The following GNA14 variants were observed in gnomAD, a reference collection of about 807,000 sequenced individuals.
GNA14 encodes G protein subunit alpha 14.
A neutral mutation model predicts 42.0 loss-of-function variants in GNA14; 50 were observed. The observed-to-expected ratio is 1.19, with a 90% CI of 0.95 to 1.51. The LOEUF (loss-of-function observed/expected upper bound fraction) is 1.51. Among genes scored for constraint, GNA14 ranks in the 40% most tolerant of loss-of-function variants. GNA14 has a pLI of 0.00. For missense variants in GNA14, 473 were observed against 446.2 expected (o/e 1.06, Z -0.54); for synonymous variants, 173 against 163.1 (o/e 1.06, Z -0.46).
chr9:77,601,141 C>T (rs1355627389), intron 1 of GNA14, among the ~76,000 whole-genome samples: 2 of 152,194 alleles, frequency 1.3e-5, no homozygotes, highest in South Asian at 2.1e-4. Context: ...GAGCCCTTGG[C>T]AGGAACCCCT....
chr9:77,525,901 A>AC (rs1837427724), intron 2 of GNA14, among the ~76,000 whole-genome samples: 1 of 84,266 alleles, frequency 1.2e-5, no homozygotes, highest in Non-Finnish European at 2.5e-5. Flanking sequence ...GAGATTTGGG[A>AC]CTTTTTTTAA....
intron 1 of GNA14, among the ~76,000 whole-genome samples, chr9:77,585,537 A>T (rs1823289704): frequency 6.6e-6 from 1 of 152,150 alleles, no homozygotes; most frequent in African/African-American, 2.4e-5. Context: ...GACTTCCCCC[A>T]ACACCCTTGT....
chr9:77,424,231 C>T, intron 6 of GNA14, 62 bp from the exon 7 acceptor site: 1 of 1,229,740 alleles, frequency 8.1e-7, no homozygotes, highest in South Asian at 1.5e-5. Context: ...CTCCCAAGAA[C>T]CTTTTTTTTG....
At position 77,496,060 on chromosome 9, in the gene GNA14, T is replaced by C. The variant is rs138401790; in HGVS notation, c.309+33009A>G. ...CCGTGACAAGTTCCACACTGGGAGA[T>C]GCACCGGGGGAGGTAGTCTGTCTAC... On this transcript the variant is annotated intron_variant, in intron 2 of 6. Transcript: ENST00000341700. Among the ~76,000 whole-genome samples, 878 of 152,280 alleles carry C rather than the reference T, an allele frequency of 5.8e-3. 4 individuals are homozygous for C. Among genetic ancestry groups the C allele is most frequent in the Middle Eastern group, 0.01 (3 of 294 alleles).
intron 1 of GNA14, among the ~76,000 whole-genome samples, chr9:77,545,281 A>G (rs1391631767): frequency 6.6e-6 from 1 of 152,218 alleles, no homozygotes; most frequent in Non-Finnish European, 1.5e-5. Context: ...TACCAGTGCA[A>G]TTAAATACAG....
chr9:77,586,498 G>A (rs1210775116), intron 1 of GNA14, among the ~76,000 whole-genome samples: 1 of 152,146 alleles, frequency 6.6e-6, no homozygotes. Flanking sequence ...GTAAATACCC[G>A]AGGTTTGTTG....
chr9:77,500,086 G>A (rs935911506), intron 2 of GNA14, among the ~76,000 whole-genome samples: 7 of 150,968 alleles, frequency 4.6e-5, no homozygotes, highest in African/African-American at 7.3e-5. Context: ...GCAATGGCAC[G>A]ATCTCAGCTC....
chr9:77,553,086 T>A (rs770112550), intron 1 of GNA14, among the ~76,000 whole-genome samples: 13 of 152,188 alleles, frequency 8.5e-5, no homozygotes, highest in Non-Finnish European at 1.9e-4. Context: ...CAAACTAGCC[T>A]TATGGAAGCT....
At chr9:77,484,615 T>C (rs1452573471) in intron 2 of GNA14, among the ~76,000 whole-genome samples, 1 of 152,180 alleles carries the variant, frequency 6.6e-6, no homozygotes, top group Non-Finnish European at 1.5e-5. Context: ...TCATTTTATA[T>C]CTTGTAGTAC....
intron 2 of GNA14, among the ~76,000 whole-genome samples, chr9:77,500,500 A>G (rs957129526): frequency 6.6e-6 from 1 of 152,240 alleles, no homozygotes; most frequent in African/African-American, 2.4e-5. Flanking sequence ...ACATTACAAC[A>G]TCAAAACCAG....
intron 2 of GNA14, among the ~76,000 whole-genome samples, chr9:77,453,413 G>A (rs1376398350): frequency 1.3e-5 from 2 of 152,162 alleles, no homozygotes; most frequent in Non-Finnish European, 1.5e-5. Context: ...CTTCATTAAT[G>A]TACTCCCACG....
At chr9:77,601,745 C>T (rs142652420) in intron 1 of GNA14, among the ~76,000 whole-genome samples, 53 of 152,224 alleles carry the variant, frequency 3.5e-4, no homozygotes, top group African/African-American at 1.3e-3. Context: ...ACATAGGTCC[C>T]GGGCAGTGGG....
intron 1 of GNA14, among the ~76,000 whole-genome samples, chr9:77,591,333 T>G (rs1258460912): frequency 6.6e-6 from 1 of 152,216 alleles, no homozygotes; most frequent in African/African-American, 2.4e-5. Flanking sequence ...CACAAATCTT[T>G]GAGTATCTGG....
chr9:77,497,537 A>G (rs1836891131), intron 2 of GNA14, among the ~76,000 whole-genome samples: 1 of 152,152 alleles, frequency 6.6e-6, no homozygotes, highest in African/African-American at 2.4e-5. Context: ...TGGCACCTTG[A>G]GCTGACCACT....
At chr9:77,596,761 C>A (rs890462105) in intron 1 of GNA14, among the ~76,000 whole-genome samples, 10 of 152,158 alleles carry the variant, frequency 6.6e-5, no homozygotes, top group Admixed American at 6.6e-4. Context: ...ATTCAGTCAC[C>A]CCTCTGCTCA....
At chr9:77,561,685 A>T (rs1017416012) in intron 1 of GNA14, among the ~76,000 whole-genome samples, 3 of 152,194 alleles carry the variant, frequency 2.0e-5, no homozygotes, top group Admixed American at 2.0e-4. Context: ...TGACAAAAAA[A>T]TTTCTGGAAA....
chr9:77,590,407 C>T (rs1381802840), intron 1 of GNA14, among the ~76,000 whole-genome samples: 2 of 152,218 alleles, frequency 1.3e-5, no homozygotes, highest in Non-Finnish European at 2.9e-5. Flanking sequence ...AACCTACAGA[C>T]ATACGTGGTG....
At chr9:77,547,013 A>G (rs1297843862) in intron 1 of GNA14, among the ~76,000 whole-genome samples, 1 of 152,162 alleles carries the variant, frequency 6.6e-6, no homozygotes, top group Non-Finnish European at 1.5e-5. Flanking sequence ...ACTCTGTCTT[A>G]TTGGGTGTGG....
At chr9:77,506,477 G>T (rs1162757867) in intron 2 of GNA14, among the ~76,000 whole-genome samples, 1 of 152,080 alleles carries the variant, frequency 6.6e-6, no homozygotes, top group Non-Finnish European at 1.5e-5. Flanking sequence ...AAGAGATCGA[G>T]GTCATTCTGG....
Sources: gnomAD v4.1 joint callset for allele counts (sites outside exome capture counted in the v4.1 genomes callset) on GRCh38, gnomAD v4.1.1 for gene constraint, MANE v1.5 for transcripts, NCBI Gene and HGNC (gene_info 2026-07-23, HGNC 2026-07-21) for gene names.